The following PMFBP1 variants were observed in gnomAD, a reference collection of about 807,000 sequenced individuals.
The protein encoded by PMFBP1 is polyamine modulated factor 1 binding protein 1.
PMFBP1 carries 131 observed loss-of-function variants against 137.8 expected under a neutral mutation model. That is an observed-to-expected ratio of 0.95 (90% CI 0.82 to 1.10). The LOEUF (loss-of-function observed/expected upper bound fraction) is 1.10. Ranked by LOEUF, PMFBP1 falls within the 50% of genes least tolerant of loss-of-function variation. The probability of loss-of-function intolerance (pLI) is 0.00; values close to 1 mark genes in which losing one functional copy is unlikely to be tolerated. For synonymous variants in PMFBP1, 490 were observed against 450.4 expected (o/e 1.09, Z -1.11); for missense variants, 1,199 against 1,175.4 (o/e 1.02, Z -0.29).
At chr16:72,191,749 C>A in the PMFBP1 span, among the ~76,000 whole-genome samples, 10 of 152,322 alleles carry the variant, frequency 6.6e-5, no homozygotes, top group African/African-American at 2.4e-4. Flanking sequence ...GAGGGCACAG[C>A]CACCTCTCTG....
chr16:72,117,193 T>C (rs1451100849), downstream of PMFBP1, among the ~76,000 whole-genome samples: 2 of 152,208 alleles, frequency 1.3e-5, no homozygotes, highest in Non-Finnish European at 2.9e-5. Context: ...TAATGTTTTA[T>C]AGTTTTCATT....
At chr16:72,237,328 C>T in the PMFBP1 span, among the ~76,000 whole-genome samples, 1 of 152,032 alleles carries the variant, frequency 6.6e-6, no homozygotes, top group Admixed American at 6.6e-5. Flanking sequence ...TCTCATTATC[C>T]TCCTTGGCCA....
intron 20 of PMFBP1, 134 bp downstream of exon 20, chr16:72,119,717 A>G (rs2042347740): frequency 6.7e-6 from 10 of 1,499,576 alleles, no homozygotes; most frequent in Non-Finnish European, 6.2e-6. Flanking sequence ...GAAAACAACG[A>G]TCTTTGGTCC....
At chr16:72,154,124 G>C in intron 4 of PMFBP1, 87 bp downstream of exon 4, 2 of 1,522,460 alleles carry the variant, frequency 1.3e-6, no homozygotes, top group Non-Finnish European at 8.9e-7. Flanking sequence ...GCTCTCCTAA[G>C]TCCAGCGTCT....
chr16:72,223,611 A>T, the PMFBP1 span, among the ~76,000 whole-genome samples: 1 of 152,166 alleles, frequency 6.6e-6, no homozygotes, highest in African/African-American at 2.4e-5. Flanking sequence ...TGAGAATAAA[A>T]GACTTCCTAG....
intron 7 of PMFBP1, among the ~76,000 whole-genome samples, chr16:72,137,741 C>A (rs1478213890): frequency 6.6e-6 from 1 of 152,124 alleles, no homozygotes; most frequent in South Asian, 2.1e-4. Context: ...GCCTTCCTCA[C>A]CAAGAGAAGG....
chr16:72,192,960 C>T, the PMFBP1 span, among the ~76,000 whole-genome samples: 14 of 149,934 alleles, frequency 9.3e-5, no homozygotes, highest in Non-Finnish European at 3.0e-5. Context: ...GTTAAATATG[C>T]AGTGATTTAA....
chr16:72,184,470 T>C, the PMFBP1 span, among the ~76,000 whole-genome samples: 3 of 152,230 alleles, frequency 2.0e-5, no homozygotes, highest in African/African-American at 7.2e-5. Flanking sequence ...ATCACGTTTA[T>C]TGTGTGAGAA....
upstream of PMFBP1, among the ~76,000 whole-genome samples, chr16:72,174,223 A>G (rs2043246613): frequency 6.6e-6 from 1 of 152,258 alleles, no homozygotes; most frequent in African/African-American, 2.4e-5. Context: ...GCAAGTATCA[A>G]GTCAGGTGTG....
intron 3 of PMFBP1, among the ~76,000 whole-genome samples, chr16:72,159,903 A>G (rs2043036991): frequency 6.6e-6 from 1 of 152,142 alleles, no homozygotes. Context: ...TACGTTGGAA[A>G]TGATTTTACA....
chr16:72,185,924 T>C, the PMFBP1 span, among the ~76,000 whole-genome samples: 31 of 152,276 alleles, frequency 2.0e-4, no homozygotes, highest in African/African-American at 4.8e-4. Context: ...AAGTAAGGGA[T>C]ACTGAAATAA....
At chr16:72,185,461 C>T in the PMFBP1 span, among the ~76,000 whole-genome samples, 1 of 152,032 alleles carries the variant, frequency 6.6e-6, no homozygotes, top group Non-Finnish European at 1.5e-5. Context: ...GTGCATTATT[C>T]CATTTCTCTC....
chr16:72,210,605 T>A, the PMFBP1 span, among the ~76,000 whole-genome samples: 1 of 152,206 alleles, frequency 6.6e-6, no homozygotes, highest in East Asian at 1.9e-4. Flanking sequence ...CCTGGCATAA[T>A]ATTCTTTTTC....
intron 5 of PMFBP1, among the ~76,000 whole-genome samples, chr16:72,141,489 T>C (rs2042721534): frequency 6.6e-6 from 1 of 152,214 alleles, no homozygotes; most frequent in Non-Finnish European, 1.5e-5. Context: ...TCTGTGCATA[T>C]TCTAGAACTT....
chr16:72,243,361 G>T, the PMFBP1 span, among the ~76,000 whole-genome samples: 1 of 152,166 alleles, frequency 6.6e-6, no homozygotes, highest in Non-Finnish European at 1.5e-5. Context: ...GATTTGGGAG[G>T]TTTCATCTGC....
Position 72,130,207 on chromosome 16 carries a change from T to TC in PMFBP1, c.1782+5dup. 6.2e-7 allele frequency: 1 copy of TC among 1,611,760 alleles called. No individual in the cohort carries two copies. The highest frequency in any genetic ancestry group is 8.5e-7 in the Non-Finnish European group (1 of 1,180,012). ...CTTGAATGGGCCATCTGCCTGCCCG[T>TC]CATACCTGGTGCTTGATACGATCAA... On this transcript the variant is annotated splice_donor_region_variant and intron_variant, in intron 12 of 20. Coordinates refer to ENST00000237353, the MANE Select transcript of PMFBP1 (RefSeq NM_031293.3).
chr16:72,248,856 C>A, the PMFBP1 span, among the ~76,000 whole-genome samples: 5 of 152,194 alleles, frequency 3.3e-5, no homozygotes, highest in African/African-American at 1.2e-4. Flanking sequence ...CAGGACCTCA[C>A]TGTATCTCTT....
At chr16:72,180,261 G>T (rs2043271565), upstream of PMFBP1, among the ~76,000 whole-genome samples, 1 of 152,152 alleles carries the variant, frequency 6.6e-6, no homozygotes, top group South Asian at 2.1e-4. Context: ...TCCTACATGG[G>T]ACTGGTATTA....
At chr16:72,232,372 G>A in the PMFBP1 span, among the ~76,000 whole-genome samples, 75 of 152,272 alleles carry the variant, frequency 4.9e-4, no homozygotes, top group East Asian at 0.014. Flanking sequence ...CTCTGGAAAA[G>A]ACATGCATAG....
Sources: gnomAD v4.1 joint callset for allele counts (sites outside exome capture counted in the v4.1 genomes callset) on GRCh38, gnomAD v4.1.1 for gene constraint, MANE v1.5 for transcripts, NCBI Gene and HGNC (gene_info 2026-07-23, HGNC 2026-07-21) for gene names.